Variants in DNAH17 observed in about 807,000 individuals in gnomAD.
The protein encoded by DNAH17 is axonemal beta dynein heavy chain 17.
DNAH17 carries 376 observed loss-of-function variants against 485.6 expected under a neutral mutation model. That is an observed-to-expected ratio of 0.77 (90% CI 0.71 to 0.84). The LOEUF (loss-of-function observed/expected upper bound fraction) is 0.84. Among genes scored for constraint, DNAH17 ranks in the 40% least tolerant of loss-of-function variants. DNAH17 has a pLI of 0.00. For missense variants in DNAH17, 6,370 were observed against 5,839.3 expected (o/e 1.09, Z -2.96); for synonymous variants, 3,031 against 2,405.9 (o/e 1.26, Z -7.60).
Position 78,450,862 on chromosome 17 carries a change from C to T in DNAH17, c.10735-16G>A, listed in dbSNP as rs377724180. 7.4e-6 allele frequency: 12 copies of T among 1,612,998 alleles called. No individual in the cohort carries two copies. The highest frequency in any genetic ancestry group is 6.7e-5 in the African/African-American group (5 of 74,948). ...TGAGGTTTGCCTGCAAGGGGAGGTG[C>T]AGGAGTCACTGCATTGCCTGGCTCT... On this transcript the variant is annotated splice_polypyrimidine_tract_variant and intron_variant, in intron 66 of 80. Transcript: ENST00000389840.
chr17:78,560,728 C>G lies in DNAH17; in HGVS notation c.2031+12G>C. Reference sequence around the variant, plus strand: ...AGGAGCCTTTGACGCGGTCCCCACTCCTGGCACCCACCGCTTTGCTGAAGT... The same window carrying G: ...AGGAGCCTTTGACGCGGTCCCCACTGCTGGCACCCACCGCTTTGCTGAAGT... On this transcript the variant is annotated intron_variant, in intron 13 of 80. Transcript: ENST00000389840. 6.5e-7 allele frequency: 1 copy of G among 1,545,194 alleles called. No homozygotes were observed.
In DNAH17 at chr17:78,539,862, T is replaced by C; in HGVS notation, c.2551A>G (p.Arg851Gly). 1 of 1,594,994 alleles carries C rather than the reference T, an allele frequency of 6.3e-7. No homozygotes were observed. Among genetic ancestry groups the C allele is most frequent in the Non-Finnish European group, 8.5e-7 (1 of 1,174,246 alleles). ...AMVAENAELF[R>G]ADTLSLPWKD... is the part of the protein sequence containing the mutation. Reference sequence around the variant, plus strand: ...CAGGGCAGGCTCAGTGTGTCTGCCCTGAATAGTTCTGCGTTTTCCTGCAAA... The same window carrying C: ...CAGGGCAGGCTCAGTGTGTCTGCCCCGAATAGTTCTGCGTTTTCCTGCAAA... Residue 851 changes from arginine to glycine, a missense_variant, in exon 18 of 81, where the codon AGG (arginine) becomes GGG (glycine). Arg to Gly is a moderately radical substitution (Grantham distance 125). Coordinates refer to ENST00000389840, the MANE Select transcript of DNAH17 (RefSeq NM_173628.4).
chr17:78,458,270 G>C (rs538852171), intron 62 of DNAH17, among the ~76,000 whole-genome samples: 7 of 152,358 alleles, frequency 4.6e-5, no homozygotes, highest in African/African-American at 1.7e-4. Flanking sequence ...TGGAAGCCAC[G>C]TGGTGGCTGA....
Position 78,459,158 on chromosome 17 carries a change from G to T in DNAH17, c.9704C>A (p.Ser3235Tyr). Residue 3235 changes from serine (S) to tyrosine (Y), a missense_variant, in exon 61 of 81, where the codon TCC becomes TAC. Coordinates refer to ENST00000389840, the MANE Select transcript of DNAH17 (RefSeq NM_173628.4). ...TFDPEFIRSKSTAAAGLCSWC... is the reference protein window; with the variant it reads ...TFDPEFIRSKYTAAAGLCSWC... ...GGAGCACAGGCCGGCGGCGGCCGTG[G>T]ACTTGGAGCGGATGAACTCGGGGTC... 5 of 1,614,006 alleles carry T rather than the reference G, an allele frequency of 3.1e-6. No individual in the cohort carries two copies. The highest frequency in any genetic ancestry group is 3.4e-6 in the Non-Finnish European group (4 of 1,179,910).
chr17:78,485,446 A>G lies in DNAH17; in HGVS notation c.7483+104T>C, dbSNP rs543090087. The stretch of plus-strand genomic sequence containing the variant: ...TGGGGCATGGGAAGTGAGGAGGTGC[A>G]AAGTGGCTAGTGAGTGCCTGGGCCT... On this transcript the variant is annotated intron_variant, in intron 47 of 80. Coordinates refer to ENST00000389840, the MANE Select transcript of DNAH17 (RefSeq NM_173628.4). 1.0e-4 allele frequency: 115 copies of G among 1,138,434 alleles called. No individual in the cohort carries two copies. In the South Asian group the frequency reaches 1.6e-3, roughly 16 times the overall value. The allele number at this position is 1,138,434 out of a possible 1,614,324, so 70.5% of individuals were successfully genotyped here. A position where few individuals can be genotyped will look rare whatever the true frequency, so the allele number is the denominator to read the frequency against.
chr17:78,443,367 G>T (rs2087147108), intron 71 of DNAH17, among the ~76,000 whole-genome samples: 1 of 151,988 alleles, frequency 6.6e-6, no homozygotes, highest in East Asian at 1.9e-4. Flanking sequence ...TCTGACCCTG[G>T]GACACAGCTG....
chr17:78,571,566 C>T, intron 4 of DNAH17, 24 bp downstream of exon 4: 11 of 1,612,928 alleles, frequency 6.8e-6, no homozygotes, highest in Non-Finnish European at 9.3e-6. Context: ...AGGCTGCAGC[C>T]CCACAGGAGA....
At chr17:78,554,219 C>A (rs1265845479) in intron 14 of DNAH17, among the ~76,000 whole-genome samples, 2 of 151,984 alleles carry the variant, frequency 1.3e-5, no homozygotes, top group Non-Finnish European at 2.9e-5. Context: ...GCAGGCAGAT[C>A]ACTTAAGGTC....
chr17:78,541,188 G>GGGGTGGGGGGGTGAGCGGATGGGT (rs1221422779), intron 17 of DNAH17, among the ~76,000 whole-genome samples: 1 of 690 alleles, frequency 1.4e-3, no homozygotes. Flanking sequence ...GTGGGTGAGC[G>GGGGTGGGGGGGTGAGCGGATGGGT]GGGTGGGGGG....
At position 78,514,942 on chromosome 17, in the gene DNAH17, C is replaced by G; in HGVS notation, c.3945G>C (p.Lys1315Asn). Residue 1315 changes from lysine to asparagine, a missense_variant, in exon 26 of 81, where the codon AAG (lysine) becomes AAC (asparagine). By Grantham distance (94) the Lys-to-Asn change is moderately conservative. Transcript: ENST00000389840. ...NVEQMDIDCK[K>N]FAKDMRSLDK... ...CCAAAGACCTCATGTCCTTGGCAAA[C>G]TTCTTACAATCTATGTCCATCTGCT... The G allele has an allele frequency of 6.2e-7, 1 of 1,614,036 alleles. No homozygotes were observed. Among genetic ancestry groups the G allele is most frequent in the Non-Finnish European group, 8.5e-7 (1 of 1,179,894 alleles).
At chr17:78,535,754 C>A (rs553786442) in intron 19 of DNAH17, among the ~76,000 whole-genome samples, 1 of 152,282 alleles carries the variant, frequency 6.6e-6, no homozygotes, top group Non-Finnish European at 1.5e-5. Flanking sequence ...GCAAATGAAA[C>A]CATATTCTAA....
chr17:78,522,657 T>A (rs2090963057), intron 25 of DNAH17: 1 of 213,580 alleles, frequency 4.7e-6, no homozygotes, highest in Non-Finnish European at 9.7e-6. Flanking sequence ...GGCCGGCTGC[T>A]TCCTGAATGC....
Position 78,449,592 on chromosome 17 carries a change from T to A in DNAH17, c.11041-8A>T. 1.3e-6 allele frequency: 2 copies of A among 1,569,404 alleles called. No individual in the cohort carries two copies. Among genetic ancestry groups the A allele is most frequent in the Non-Finnish European group, 1.7e-6 (2 of 1,154,524 alleles). ...AAACACCACGTTGAAGGCCTGGGGA[T>A]CCGCCACCGAGAGCCATGGAGGCGT... On this transcript the variant is annotated splice_region_variant and splice_polypyrimidine_tract_variant and intron_variant, in intron 68 of 80. Transcript: ENST00000389840.
intron 20 of DNAH17, among the ~76,000 whole-genome samples, chr17:78,531,012 T>C (rs951453652): frequency 1.3e-5 from 2 of 152,224 alleles, no homozygotes; most frequent in Admixed American, 6.5e-5. Context: ...TTTTATGCAT[T>C]CTTTCTGCAG....
intron 60 of DNAH17, 73 bp from the exon 61 acceptor site, chr17:78,459,281 T>G (rs566772763): frequency 1.4e-6 from 2 of 1,439,072 alleles, no homozygotes; most frequent in African/African-American, 1.4e-5. Flanking sequence ...AGAAGCTGAG[T>G]GTCTTGCCCA....
chr17:78,552,885 C>T (rs2091934760), intron 14 of DNAH17, 80 bp from the exon 15 acceptor site: 2 of 929,274 alleles, frequency 2.2e-6, no homozygotes, highest in East Asian at 4.8e-5. Flanking sequence ...TTTTATTCCT[C>T]AACACCAACT....
chr17:78,560,670 A>G, intron 13 of DNAH17, 70 bp downstream of exon 13: 1 of 1,455,966 alleles, frequency 6.9e-7, no homozygotes, highest in Non-Finnish European at 9.2e-7. Context: ...ATCCGTGCTG[A>G]GGGAACCTTG....
chr17:78,529,706 G>A lies in DNAH17; in HGVS notation c.3285-12C>T. 2 of 1,613,230 alleles carry A rather than the reference G, an allele frequency of 1.2e-6. No homozygotes were observed. The highest frequency in any genetic ancestry group is 2.2e-5 in the East Asian group (1 of 44,856). ...CCAGGTCAGCCAGGCTAAGGGACAA[G>A]GGGACCATTTGTGTGGCCCCAGCCC... On this transcript the variant is annotated splice_polypyrimidine_tract_variant and intron_variant, in intron 21 of 80. Coordinates refer to ENST00000389840, the MANE Select transcript of DNAH17 (RefSeq NM_173628.4).
intron 70 of DNAH17, among the ~76,000 whole-genome samples, chr17:78,445,302 G>A (rs1010233376): frequency 5.0e-4 from 76 of 151,766 alleles, no homozygotes; most frequent in African/African-American, 1.6e-3. Context: ...GCCCCCAGAG[G>A]ATATCACTCT....
Sources: gnomAD v4.1 joint callset for allele counts (sites outside exome capture counted in the v4.1 genomes callset) on GRCh38, gnomAD v4.1.1 for gene constraint, MANE v1.5 for transcripts, NCBI Gene and HGNC (gene_info 2026-07-23, HGNC 2026-07-21) for gene names.